PRKG1: variants seen among roughly 807,000 people sequenced by gnomAD.
PRKG1 encodes the protein cGMP-dependent protein kinase 1.
In PRKG1, 35 loss-of-function variants were observed where a neutral mutation model predicts 88.1. That is an observed-to-expected ratio of 0.40 (90% confidence interval 0.30 to 0.53). PRKG1 has a LOEUF of 0.53. PRKG1 is among the 20% of genes least tolerant of loss of function. PRKG1 has a pLI of 0.59. For missense variants in PRKG1, 540 were observed against 839.8 expected (o/e 0.64, Z 4.41); for synonymous variants, 303 against 292.5 (o/e 1.04, Z -0.37).
intron 1 of PRKG1, among the ~76,000 whole-genome samples, chr10:51,034,013 T>G (rs544751079): frequency 4.6e-5 from 7 of 152,286 alleles, no homozygotes; most frequent in Non-Finnish European, 7.4e-5. Flanking sequence ...GACAATGAGA[T>G]GCCTCTAGAT....
chr10:51,069,194 C>T (rs186862522), intron 1 of PRKG1, among the ~76,000 whole-genome samples: 69 of 152,024 alleles, frequency 4.5e-4, no homozygotes, highest in Non-Finnish European at 3.5e-4. Context: ...TGGTACAGTA[C>T]GCTGTTACTT....
chr10:51,782,941 C>G (rs377681325), intron 3 of PRKG1, among the ~76,000 whole-genome samples: 7 of 152,170 alleles, frequency 4.6e-5, no homozygotes, highest in African/African-American at 1.7e-4. Flanking sequence ...ATTCAGGTAG[C>G]CTAACTCTTG....
chr10:51,155,342 A>G (rs540773455), intron 2 of PRKG1, among the ~76,000 whole-genome samples: 76 of 152,190 alleles, frequency 5.0e-4, no homozygotes, highest in African/African-American at 1.7e-3. Context: ...AAAATGCCCA[A>G]CACATAGAAC....
intron 10 of PRKG1, among the ~76,000 whole-genome samples, chr10:52,270,810 T>C (rs1296797812): frequency 6.6e-6 from 1 of 151,834 alleles, no homozygotes; most frequent in Admixed American, 6.6e-5. Flanking sequence ...ACATGGCACA[T>C]GTATACATAT....
chr10:51,213,784 G>T (rs1742904248), intron 2 of PRKG1, among the ~76,000 whole-genome samples: 1 of 152,144 alleles, frequency 6.6e-6, no homozygotes, highest in Non-Finnish European at 1.5e-5. Flanking sequence ...GTTTATGTGT[G>T]TGTGCAGGGG....
intron 5 of PRKG1, among the ~76,000 whole-genome samples, chr10:52,026,107 C>T (rs992742939): frequency 1.3e-5 from 2 of 151,858 alleles, no homozygotes; most frequent in Non-Finnish European, 2.9e-5. Context: ...TGAAAACTGG[C>T]TAGCCATATA....
chr10:51,574,179 T>C (rs572350823), intron 3 of PRKG1, among the ~76,000 whole-genome samples: 63 of 152,092 alleles, frequency 4.1e-4, no homozygotes, highest in Non-Finnish European at 8.0e-4. Flanking sequence ...TTATTTGATT[T>C]GTGTGGCTCT....
intron 4 of PRKG1, among the ~76,000 whole-genome samples, chr10:51,845,312 C>A (rs913643281): frequency 2.0e-5 from 3 of 152,122 alleles, no homozygotes; most frequent in Admixed American, 6.6e-5. Context: ...TCCTTAAGCA[C>A]CACCTCTTGT....
intron 5 of PRKG1, among the ~76,000 whole-genome samples, chr10:52,036,943 G>A (rs1347880012): frequency 9.2e-5 from 14 of 152,334 alleles, no homozygotes; most frequent in African/African-American, 1.9e-4. Flanking sequence ...AGAAGGGGAC[G>A]GGCTTACCTT....
chr10:51,795,720 G>A (rs16923310), intron 3 of PRKG1, among the ~76,000 whole-genome samples: 1,658 of 152,094 alleles, frequency 0.011, 36 homozygotes, highest in African/African-American at 0.038. Context: ...GGGATTCCTT[G>A]AGCATATATT....
At chr10:51,267,199 T>C (rs987395014) in intron 2 of PRKG1, among the ~76,000 whole-genome samples, 2 of 152,172 alleles carry the variant, frequency 1.3e-5, no homozygotes, top group Admixed American at 1.3e-4. Context: ...GGGAAAGATA[T>C]AAAGAATAAC....
chr10:51,429,999 T>A (rs1838711559), intron 2 of PRKG1, among the ~76,000 whole-genome samples: 1 of 151,380 alleles, frequency 6.6e-6, no homozygotes, highest in Non-Finnish European at 1.5e-5. Flanking sequence ...AAAAGAATTT[T>A]AATCTACACA....
chr10:51,401,503 A>G (rs1383231867), intron 2 of PRKG1, among the ~76,000 whole-genome samples: 1 of 151,928 alleles, frequency 6.6e-6, no homozygotes, highest in Non-Finnish European at 1.5e-5. Context: ...GCATTTCACC[A>G]CCCCTCTGTC....
At chr10:51,209,281 C>T (rs1000748200) in intron 2 of PRKG1, among the ~76,000 whole-genome samples, 8 of 152,132 alleles carry the variant, frequency 5.3e-5, no homozygotes, top group African/African-American at 1.4e-4. Flanking sequence ...TCATTGACCT[C>T]ATACCGATCG....
chr10:51,162,957 G>C (rs1331561397), intron 2 of PRKG1, among the ~76,000 whole-genome samples: 1 of 152,132 alleles, frequency 6.6e-6, no homozygotes, highest in Non-Finnish European at 1.5e-5. Context: ...GGCCTGAGGT[G>C]ATTCCCTTGC....
chr10:51,683,672 C>T (rs889847301), intron 3 of PRKG1, among the ~76,000 whole-genome samples: 6 of 152,104 alleles, frequency 3.9e-5, no homozygotes, highest in South Asian at 2.1e-4. Context: ...GGTGGTGCCA[C>T]GGCTTGATCT....
At chr10:51,626,090 C>T (rs146160426) in intron 3 of PRKG1, among the ~76,000 whole-genome samples, 117 of 152,208 alleles carry the variant, frequency 7.7e-4, no homozygotes, top group African/African-American at 2.6e-3. Context: ...CTTATGTGAT[C>T]GAAGTTGTCA....
In PRKG1 at chr10:51,177,535, C is replaced by A. The variant is rs188268289; in HGVS notation, c.478+24205C>A. Among the ~76,000 whole-genome samples the A allele has an allele frequency of 1.8e-4, 27 of 152,196 alleles. No homozygotes were observed. The East Asian group carries it at 5.2e-3, about 29-fold the overall frequency. On this transcript the variant is annotated intron_variant, in intron 2 of 17. Transcript: ENST00000373980. ...ACATCACATCCTCTTTTTCTGTTTCCTGAAACTAGCAGAAAACTTGACATT... is the reference window on the plus strand; with the variant it reads ...ACATCACATCCTCTTTTTCTGTTTCATGAAACTAGCAGAAAACTTGACATT...
At chr10:51,244,089 T>C (rs878962037) in intron 2 of PRKG1, among the ~76,000 whole-genome samples, 1 of 152,184 alleles carries the variant, frequency 6.6e-6, no homozygotes, top group Admixed American at 6.5e-5. Context: ...ACCTTTTTCT[T>C]ATTTGAGCAC....
Sources: gnomAD v4.1 joint callset for allele counts (sites outside exome capture counted in the v4.1 genomes callset) on GRCh38, gnomAD v4.1.1 for gene constraint, MANE v1.5 for transcripts, NCBI Gene and HGNC (gene_info 2026-07-23, HGNC 2026-07-21) for gene names.